ABCD2: variants seen among roughly 807,000 people sequenced by gnomAD.
The protein encoded by ABCD2 is ATP-binding cassette sub-family D member 2.
In ABCD2, 36 loss-of-function variants were observed where a neutral mutation model predicts 70.9. The ratio of observed to expected loss-of-function variants is 0.51; its 90% CI spans 0.39 to 0.67. ABCD2 has a LOEUF of 0.67. Ranked by LOEUF, ABCD2 falls within the 30% of genes least tolerant of loss-of-function variation. The pLI is 0.00. For synonymous variants in ABCD2, 304 were observed against 306.9 expected, an observed-to-expected ratio of 0.99 and a Z score of 0.10; for missense variants, 729 against 890.2, an observed-to-expected ratio of 0.82 and a Z score of 2.30.
At chr12:39,586,369 G>T in intron 6 of ABCD2, 72 bp from the exon 7 acceptor site, 2 of 1,474,692 alleles carry the variant, frequency 1.4e-6, no homozygotes, top group Non-Finnish European at 1.8e-6. Flanking sequence ...CAACTTGGTA[G>T]TCTGAAAACA....
chr12:39,612,191 A>G (rs1942054285), intron 2 of ABCD2, among the ~76,000 whole-genome samples: 2 of 152,204 alleles, frequency 1.3e-5, no homozygotes, highest in Non-Finnish European at 2.9e-5. Flanking sequence ...AGCTGAACCT[A>G]TGCATAGCCT....
In ABCD2 at chr12:39,564,395, C is replaced by T. The variant is rs112453982; in HGVS notation, c.2003+9321G>A. Among the ~76,000 whole-genome samples, 311 of 152,256 alleles carry T rather than the reference C, an allele frequency of 2.0e-3. 3 individuals carry two copies. The highest frequency in any genetic ancestry group is 6.7e-3 in the African/African-American group (280 of 41,562). On this transcript the variant is annotated intron_variant, in intron 9 of 9. Coordinates refer to ENST00000308666, the MANE Select transcript of ABCD2 (RefSeq NM_005164.4). Reference sequence around the variant, plus strand: ...TGATGGCCAATGATGATGAGCATTTCTTCATGTGTCTTTTGGCTGCATAAA... The same window carrying T: ...TGATGGCCAATGATGATGAGCATTTTTTCATGTGTCTTTTGGCTGCATAAA...
chr12:39,577,792 G>C (rs998085742), intron 8 of ABCD2, among the ~76,000 whole-genome samples: 3 of 152,108 alleles, frequency 2.0e-5, no homozygotes, highest in African/African-American at 7.2e-5. Context: ...TAATACCTGT[G>C]ATTTGCTTTA....
intron 5 of ABCD2, among the ~76,000 whole-genome samples, chr12:39,601,508 T>C (rs1218203296): frequency 6.6e-6 from 1 of 152,050 alleles, no homozygotes; most frequent in Non-Finnish European, 1.5e-5. Flanking sequence ...GAGTTCCTAT[T>C]CCACACAATA....
Position 39,582,223 on chromosome 12 carries a change from A to G in ABCD2, c.1793-2604T>C, listed in dbSNP as rs142476750. On this transcript the variant is annotated intron_variant, in intron 7 of 9. Transcript: ENST00000308666. The stretch of plus-strand genomic sequence containing the variant: ...ATTGTTTAAAAAGCCAGGAGTTACC[A>G]TAGTATAGTGGCATACCCTCGCATA... Among the ~76,000 whole-genome samples, 709 of 152,302 alleles carry G rather than the reference A, an allele frequency of 4.7e-3. 1 individual carries two copies. Among genetic ancestry groups the G allele is most frequent in the Non-Finnish European group, 7.7e-3 (523 of 68,018 alleles).
At chr12:39,587,045 C>T (rs542105735) in intron 6 of ABCD2, among the ~76,000 whole-genome samples, 1 of 152,236 alleles carries the variant, frequency 6.6e-6, no homozygotes, top group South Asian at 2.1e-4. Flanking sequence ...GCATTTGTTG[C>T]CCTTTGACCT....
the ABCD2 span, among the ~76,000 whole-genome samples, chr12:39,536,931 T>C: frequency 6.6e-6 from 1 of 152,188 alleles, no homozygotes; most frequent in Non-Finnish European, 1.5e-5. Flanking sequence ...GTCTCACATC[T>C]TCATTGCCAA....
chr12:39,547,518 G>A (rs551523766), downstream of ABCD2, among the ~76,000 whole-genome samples: 1 of 152,220 alleles, frequency 6.6e-6, no homozygotes, highest in Admixed American at 6.6e-5. Flanking sequence ...GCTACAACAT[G>A]GGGGAATCTT....
chr12:39,574,808 A>G (rs1281008143), intron 8 of ABCD2, among the ~76,000 whole-genome samples: 2 of 152,202 alleles, frequency 1.3e-5, no homozygotes, highest in African/African-American at 4.8e-5. Flanking sequence ...ATTTCTTATC[A>G]GAATAAATCA....
chr12:39,579,489 T>G, intron 8 of ABCD2, 46 bp downstream of exon 8: 1 of 1,357,284 alleles, frequency 7.4e-7, no homozygotes, highest in Non-Finnish European at 1.0e-6. Flanking sequence ...TTGCTTGGTT[T>G]GGTTACAACA....
At chr12:39,578,271 G>A (rs1054001954) in intron 8 of ABCD2, among the ~76,000 whole-genome samples, 5 of 152,034 alleles carry the variant, frequency 3.3e-5, no homozygotes, top group Non-Finnish European at 5.9e-5. Context: ...TCAGGAGATC[G>A]AGACCATCCT....
At chr12:39,558,972 A>G (rs923987077) in intron 9 of ABCD2, among the ~76,000 whole-genome samples, 2 of 152,126 alleles carry the variant, frequency 1.3e-5, no homozygotes, top group African/African-American at 4.8e-5. Context: ...ATCAAACAGA[A>G]GAAAAAAATA....
intron 9 of ABCD2, among the ~76,000 whole-genome samples, chr12:39,563,112 C>A (rs560704813): frequency 6.6e-6 from 1 of 152,296 alleles, no homozygotes; most frequent in Non-Finnish European, 1.5e-5. Flanking sequence ...AATTGAACAT[C>A]CTTTTATGCT....
At chr12:39,614,236 G>A (rs1385800651) in intron 2 of ABCD2, among the ~76,000 whole-genome samples, 1 of 152,078 alleles carries the variant, frequency 6.6e-6, no homozygotes, top group Non-Finnish European at 1.5e-5. Flanking sequence ...GGAGCCACAG[G>A]GTAAGAATAT....
chr12:39,617,414 G>A (rs950490398), intron 1 of ABCD2, among the ~76,000 whole-genome samples: 8 of 152,014 alleles, frequency 5.3e-5, no homozygotes, highest in Non-Finnish European at 1.2e-4. Flanking sequence ...TTTTATGTAT[G>A]AGATGTTAAA....
chr12:39,568,957 C>A (rs1941403646), intron 9 of ABCD2, among the ~76,000 whole-genome samples: 1 of 152,156 alleles, frequency 6.6e-6, no homozygotes. Context: ...TCCTGAACAG[C>A]CAATGTTGCT....
the ABCD2 span, among the ~76,000 whole-genome samples, chr12:39,540,499 GA>G: frequency 7.2e-5 from 11 of 152,062 alleles, no homozygotes; most frequent in Admixed American, 6.6e-4. Context: ...TCCTTTGTGG[GA>G]AAAAAATTTG....
At chr12:39,546,381 C>G (rs1401017460), downstream of ABCD2, among the ~76,000 whole-genome samples, 1 of 152,020 alleles carries the variant, frequency 6.6e-6, no homozygotes, top group Non-Finnish European at 1.5e-5. Flanking sequence ...CCCTATCTGC[C>G]ATGTATTGTT....
chr12:39,604,701 C>T, intron 4 of ABCD2, 61 bp downstream of exon 4: 2 of 1,360,166 alleles, frequency 1.5e-6, no homozygotes, highest in South Asian at 3.3e-5. Flanking sequence ...CCTTCTTAAA[C>T]TTTGGTTCTG....
Sources: gnomAD v4.1 joint callset for allele counts (sites outside exome capture counted in the v4.1 genomes callset) on GRCh38, gnomAD v4.1.1 for gene constraint, MANE v1.5 for transcripts, NCBI Gene and HGNC (gene_info 2026-07-23, HGNC 2026-07-21) for gene names.